EPB41L4A: variants seen among roughly 807,000 people sequenced by gnomAD.
The protein encoded by EPB41L4A is erythrocyte membrane protein band 4.1 like 4A.
EPB41L4A carries 100 observed loss-of-function variants against 108.6 expected under a neutral mutation model. The ratio of observed to expected loss-of-function variants is 0.92; its 90% CI spans 0.78 to 1.09. The LOEUF (loss-of-function observed/expected upper bound fraction) is 1.09. EPB41L4A is among the 50% of genes least tolerant of loss of function. The pLI is 0.00. For synonymous variants in EPB41L4A, 319 were observed against 289.0 expected, an observed-to-expected ratio of 1.10 and a Z score of -1.05; for missense variants, 1,030 against 842.7, an observed-to-expected ratio of 1.22 and a Z score of -2.75.
chr5:112,166,018 G>A (rs1345583249), intron 22 of EPB41L4A, among the ~76,000 whole-genome samples: 1 of 152,196 alleles, frequency 6.6e-6, no homozygotes, highest in Non-Finnish European at 1.5e-5. Context: ...ACCAGTGAAT[G>A]TGAGAGGAGA....
chr5:112,419,293 T>A (rs1762929593), upstream of EPB41L4A: 1 of 364,144 alleles, frequency 2.7e-6, no homozygotes, highest in Admixed American at 5.0e-5. Flanking sequence ...CGGAGGGCGG[T>A]GGCGCGTCCC....
At chr5:112,293,502 C>A (rs1753792529) in intron 2 of EPB41L4A, among the ~76,000 whole-genome samples, 1 of 152,128 alleles carries the variant, frequency 6.6e-6, no homozygotes. Context: ...TATACATGAC[C>A]CATGGAAGAA....
chr5:112,215,060 A>G (rs924564478), intron 12 of EPB41L4A, among the ~76,000 whole-genome samples: 3 of 152,192 alleles, frequency 2.0e-5, no homozygotes, highest in Non-Finnish European at 4.4e-5. Flanking sequence ...GTAGGTACTC[A>G]ATGAATGTCT....
At chr5:112,298,038 T>C (rs762099452) in intron 2 of EPB41L4A, among the ~76,000 whole-genome samples, 2 of 152,158 alleles carry the variant, frequency 1.3e-5, no homozygotes, top group African/African-American at 4.8e-5. Flanking sequence ...GGCCTTATAG[T>C]ATAGTTTGAA....
intron 1 of EPB41L4A, among the ~76,000 whole-genome samples, chr5:112,413,568 C>A (rs146690046): frequency 9.2e-5 from 14 of 152,268 alleles, no homozygotes; most frequent in Admixed American, 9.2e-4. Flanking sequence ...CTGGAGGAGA[C>A]AGATGTGTCC....
intron 17 of EPB41L4A, among the ~76,000 whole-genome samples, chr5:112,190,055 C>T (rs1158241725): frequency 6.6e-6 from 1 of 152,066 alleles, no homozygotes; most frequent in East Asian, 1.9e-4. Flanking sequence ...ATCTCAGGGA[C>T]GAGATTCAAA....
intron 12 of EPB41L4A, among the ~76,000 whole-genome samples, chr5:112,156,629 A>G (rs1250772625): frequency 6.6e-6 from 1 of 152,214 alleles, no homozygotes; most frequent in African/African-American, 2.4e-5. Context: ...CACACCCAGA[A>G]ATAATGTTTA....
intron 17 of EPB41L4A, among the ~76,000 whole-genome samples, chr5:112,191,707 T>C (rs1209890726): frequency 4.2e-5 from 6 of 143,178 alleles, no homozygotes; most frequent in Non-Finnish European, 9.1e-5. Context: ...CAAGAAGGAG[T>C]AGCAGAGGGA....
At chr5:112,386,450 AT>A (rs1370274900) in intron 1 of EPB41L4A, among the ~76,000 whole-genome samples, 2 of 152,242 alleles carry the variant, frequency 1.3e-5, no homozygotes, top group East Asian at 1.9e-4. Flanking sequence ...AAAGAAAAAA[AT>A]AATTCTAATT....
intron 4 of EPB41L4A, among the ~76,000 whole-genome samples, chr5:112,271,653 C>T (rs1184886737): frequency 6.6e-6 from 1 of 152,160 alleles, no homozygotes; most frequent in South Asian, 2.1e-4. Context: ...ATGAAGGACA[C>T]ACAATACAGG....
At chr5:112,358,839 G>C (rs1758529143) in intron 1 of EPB41L4A, among the ~76,000 whole-genome samples, 1 of 152,010 alleles carries the variant, frequency 6.6e-6, no homozygotes, top group Admixed American at 6.5e-5. Flanking sequence ...TTCACAAAAT[G>C]AATTACCAAA....
intron 15 of EPB41L4A, among the ~76,000 whole-genome samples, chr5:112,201,210 C>G (rs924618830): frequency 5.3e-5 from 8 of 152,196 alleles, no homozygotes; most frequent in African/African-American, 1.9e-4. Flanking sequence ...CCTCAAAACA[C>G]ACGTCCCCAA....
chr5:112,294,575 C>A (rs1287218593), intron 2 of EPB41L4A, among the ~76,000 whole-genome samples: 1 of 151,896 alleles, frequency 6.6e-6, no homozygotes, highest in Non-Finnish European at 1.5e-5. Context: ...CAGGAGACAT[C>A]AGAAACACCA....
chr5:112,287,265 T>C (rs188890933), intron 2 of EPB41L4A, among the ~76,000 whole-genome samples: 11 of 152,332 alleles, frequency 7.2e-5, no homozygotes, highest in Admixed American at 2.6e-4. Flanking sequence ...CTGATGATTC[T>C]ACCCCCTCAA....
Position 112,419,022 on chromosome 5 carries a change from A to C in EPB41L4A, c.18T>G (p.Ala6=), listed in dbSNP as rs1441282577. The C allele has an allele frequency of 6.2e-7, 1 of 1,613,442 alleles. No homozygotes were observed. Among genetic ancestry groups the C allele is most frequent in the Non-Finnish European group, 8.5e-7 (1 of 1,179,646 alleles). Residue 6 remains alanine, a synonymous_variant, in exon 1 of 23, where the codon GCT becomes GCG. Transcript: ENST00000261486. MGCFC[A]VPEEFYCEVL... is the part of the protein sequence containing the mutation. ...CTTCGCAGTAAAATTCTTCCGGAAC[A>C]GCGCAGAAACAGCCCATGTCGGTTG... is the stretch of plus-strand genomic sequence containing the variant.
chr5:112,265,091 A>G, intron 5 of EPB41L4A, 75 bp from the exon 6 acceptor site: 1 of 1,237,564 alleles, frequency 8.1e-7, no homozygotes, highest in East Asian at 2.6e-5. Context: ...AAATATTCCT[A>G]ACATGCTTAA....
intron 11 of EPB41L4A, among the ~76,000 whole-genome samples, chr5:112,235,307 A>G (rs1749252089): frequency 6.6e-6 from 1 of 152,208 alleles, no homozygotes; most frequent in African/African-American, 2.4e-5. Flanking sequence ...GCTGCTCTAT[A>G]CATTCCATGC....
Position 112,205,465 on chromosome 5 carries a change from T to C in EPB41L4A, c.1218A>G (p.Gln406=). The stretch of plus-strand genomic sequence containing the variant: ...CCCACGGTGCATGAGATTTGCTTCT[T>C]TGGGTATCAGGGCTATTTTCATTCT... ...KAKNENSPDT[Q]RSKSHAPWEE... Residue 406 remains glutamine (Q), a synonymous_variant, in exon 14 of 23, where the codon CAA becomes CAG. Transcript: ENST00000261486. 1 of 1,613,950 alleles carries C rather than the reference T, an allele frequency of 6.2e-7. No individual in the cohort carries two copies. The highest frequency in any genetic ancestry group is 8.5e-7 in the Non-Finnish European group (1 of 1,179,904).
intron 2 of EPB41L4A, among the ~76,000 whole-genome samples, chr5:112,305,801 T>C (rs946220206): frequency 2.0e-5 from 3 of 152,312 alleles, no homozygotes; most frequent in African/African-American, 7.2e-5. Flanking sequence ...CTGATATTCT[T>C]ATCACATCAA....
Sources: allele counts gnomAD v4.1 joint callset (sites outside exome capture counted in the v4.1 genomes callset), GRCh38; gene constraint gnomAD v4.1.1; transcripts MANE v1.5; gene names NCBI Gene and HGNC (gene_info 2026-07-23, HGNC 2026-07-21).